USO1: variants seen among roughly 807,000 people sequenced by gnomAD.
The protein encoded by USO1 is general vesicular transport factor p115.
USO1 carries 57 observed loss-of-function variants against 124.5 expected under a neutral mutation model. The ratio of observed to expected loss-of-function variants is 0.46; its 90% CI spans 0.37 to 0.57. USO1 has a LOEUF of 0.57. Among genes scored for constraint, USO1 ranks in the 20% least tolerant of loss-of-function variants. USO1 has a pLI of 0.00. For missense variants in USO1, 900 were observed against 1,040.6 expected, an observed-to-expected ratio of 0.86 and a Z score of 1.86; for synonymous variants, 369 against 362.8, an observed-to-expected ratio of 1.02 and a Z score of -0.19.
Position 75,787,156 on chromosome 4 carries a change from G to A in USO1, c.950G>A (p.Cys317Tyr), listed in dbSNP as rs747622718. 1 of 1,601,570 alleles carries A rather than the reference G, an allele frequency of 6.2e-7. No homozygotes were observed. ...CAGTGTGGGTTATTGCAGCAGCTTT[G>A]TACTATCCTAATGGCTACTGGGGTT... Reference protein sequence around the residue: ...MFQCGLLQQLCTILMATGVPA... With the variant: ...MFQCGLLQQLYTILMATGVPA... The change falls in exon 10 of 24, where the codon TGT becomes TAT. Residue 317 changes from cysteine (C) to tyrosine (Y), a missense_variant. This residue lies in a region of USO1 where 538 missense variants were observed against 681.6 expected (regional missense o/e 0.79). Coordinates refer to ENST00000514213, the MANE Select transcript of USO1 (RefSeq NM_003715.4).
chr4:75,799,775 CTT>C (rs759052868), intron 14 of USO1, 43 bp downstream of exon 14: 23 of 1,601,792 alleles, frequency 1.4e-5, no homozygotes, highest in Non-Finnish European at 1.9e-5. Flanking sequence ...GTATTTATAT[CTT>C]TTTTAGTTTT....
At chr4:75,748,194 G>C (rs1322096569) in intron 1 of USO1, among the ~76,000 whole-genome samples, 4 of 148,460 alleles carry the variant, frequency 2.7e-5, no homozygotes, top group East Asian at 4.0e-4. Flanking sequence ...GTGAGCCATC[G>C]TGCCCAGCTG....
intron 20 of USO1, among the ~76,000 whole-genome samples, chr4:75,806,831 A>G (rs2149194303): frequency 6.6e-6 from 1 of 152,288 alleles, no homozygotes; most frequent in South Asian, 2.1e-4. Flanking sequence ...TTATCAGTGA[A>G]CTAACAAGGA....
intron 3 of USO1, among the ~76,000 whole-genome samples, chr4:75,752,860 T>C (rs1343918061): frequency 3.3e-5 from 5 of 152,128 alleles, no homozygotes; most frequent in African/African-American, 1.2e-4. Context: ...CTGTTAAGTT[T>C]TTACTTCAGA....
At chr4:75,750,255 T>A (rs977722036) in intron 1 of USO1, among the ~76,000 whole-genome samples, 7 of 151,942 alleles carry the variant, frequency 4.6e-5, no homozygotes, top group Non-Finnish European at 1.0e-4. Flanking sequence ...GCAATATAGT[T>A]AGACCCTGTC....
intron 9 of USO1, among the ~76,000 whole-genome samples, chr4:75,785,059 G>T (rs1722321257): frequency 6.6e-6 from 1 of 152,078 alleles, no homozygotes; most frequent in African/African-American, 2.4e-5. Context: ...GACTTTACAG[G>T]CCAGGAGTTA....
intron 1 of USO1, among the ~76,000 whole-genome samples, chr4:75,735,939 A>G (rs1185929478): frequency 1.3e-5 from 2 of 152,132 alleles, no homozygotes; most frequent in Non-Finnish European, 2.9e-5. Flanking sequence ...CTAGCAAAAA[A>G]TGTTTTTTTT....
At chr4:75,749,775 C>T (rs905094430) in intron 1 of USO1, among the ~76,000 whole-genome samples, 12 of 147,558 alleles carry the variant, frequency 8.1e-5, no homozygotes, top group African/African-American at 2.5e-4. Context: ...TCTCCCGAGA[C>T]GGAGTCTTGC....
At chr4:75,740,820 T>C (rs949565480) in intron 1 of USO1, among the ~76,000 whole-genome samples, 2 of 152,180 alleles carry the variant, frequency 1.3e-5, no homozygotes, top group Non-Finnish European at 2.9e-5. Context: ...TCCAAATCAG[T>C]ATGTAGTCTA....
intron 1 of USO1, among the ~76,000 whole-genome samples, chr4:75,744,507 C>T (rs1721065385): frequency 1.3e-5 from 2 of 152,272 alleles, no homozygotes; most frequent in Non-Finnish European, 2.9e-5. Context: ...GCAACCTCCG[C>T]CTCTCAGGTT....
At chr4:75,726,273 C>G (rs1328764330) in intron 1 of USO1, among the ~76,000 whole-genome samples, 2 of 124,896 alleles carry the variant, frequency 1.6e-5, no homozygotes, top group African/African-American at 6.8e-5. Flanking sequence ...AAGAGCGAAA[C>G]TCTGTCTCAA....
At position 75,807,328 on chromosome 4, in the gene USO1, C is replaced by T. The variant is rs1723025502; in HGVS notation, c.2376+756C>T. ...TCCTCTCTTTTCTTCTCTCTCTTTT[C>T]TTCTTTCCCTCCTTTCTTTCTTATT... On this transcript the variant is annotated intron_variant, in intron 20 of 23. Coordinates refer to ENST00000514213, the MANE Select transcript of USO1 (RefSeq NM_003715.4). Among the ~76,000 whole-genome samples, 2 of 151,124 alleles carry T rather than the reference C, an allele frequency of 1.3e-5. 1 individual carries two copies. Among genetic ancestry groups the T allele is most frequent in the Admixed American group, 1.3e-4 (2 of 15,148 alleles).
intron 1 of USO1, chr4:75,729,785 A>G (rs1291009804): frequency 6.2e-6 from 1 of 161,646 alleles, no homozygotes; most frequent in Non-Finnish European, 1.4e-5. Flanking sequence ...AAAAGCATAC[A>G]GAATTAGAAC....
chr4:75,726,035 A>T (rs1051091634), intron 1 of USO1, among the ~76,000 whole-genome samples: 1 of 152,124 alleles, frequency 6.6e-6, no homozygotes, highest in Non-Finnish European at 1.5e-5. Context: ...TAATCCCAGC[A>T]CTTTGGGAGG....
intron 13 of USO1, 120 bp from the exon 14 acceptor site, chr4:75,799,501 TG>T: frequency 8.9e-7 from 1 of 1,119,814 alleles, no homozygotes. Context: ...ACTGGATTTC[TG>T]GCTCATCTCT....
rs139692649 is a variant in USO1 at position 75,744,529 on chromosome 4, C to T, written c.67-7844C>T. ...CCGCCTCTCAGGTTCAAGCAGTTCT[C>T]GTGCCTCAGACTCCCGAGTAGCTGA... On this transcript the variant is annotated intron_variant, in intron 1 of 23. Coordinates refer to ENST00000514213, the MANE Select transcript of USO1 (RefSeq NM_003715.4). 4.2e-3 allele frequency among the ~76,000 whole-genome samples: 640 copies of T among 152,304 alleles called. 4 individuals carry two copies. Among genetic ancestry groups the T allele is most frequent in the African/African-American group, 0.015 (606 of 41,558 alleles).
At chr4:75,726,539 G>C (rs905284347) in intron 1 of USO1, among the ~76,000 whole-genome samples, 17 of 150,138 alleles carry the variant, frequency 1.1e-4, no homozygotes, top group Non-Finnish European at 2.1e-4. Context: ...TTTGAGACTA[G>C]CCTGGGCAGC....
chr4:75,750,215 C>T (rs1721265315), intron 1 of USO1, among the ~76,000 whole-genome samples: 1 of 152,108 alleles, frequency 6.6e-6, no homozygotes, highest in African/African-American at 2.4e-5. Flanking sequence ...GGGAGAATCA[C>T]TTGAGCCCAG....
chr4:75,807,481 G>T (rs751397536), intron 20 of USO1, among the ~76,000 whole-genome samples: 1 of 151,656 alleles, frequency 6.6e-6, no homozygotes, highest in African/African-American at 2.4e-5. Flanking sequence ...CACTGACATG[G>T]CTGCTTTGAA....
Sources: allele counts gnomAD v4.1 joint callset (sites outside exome capture counted in the v4.1 genomes callset), GRCh38; gene constraint gnomAD v4.1.1; regional missense constraint gnomAD v4.1.1; transcripts MANE v1.5; gene names NCBI Gene and HGNC (gene_info 2026-07-23, HGNC 2026-07-21).